WFDC2: variants seen among roughly 807,000 people sequenced by gnomAD.
WFDC2 encodes WAP four-disulfide core domain 2.
In WFDC2, 8 loss-of-function variants were observed where a neutral mutation model predicts 12.5. The observed-to-expected ratio is 0.64, with a 90% CI of 0.37 to 1.15. The LOEUF is 1.15. Among genes scored for constraint, WFDC2 ranks in the 50% most tolerant of loss-of-function variants. The pLI is 0.01. For synonymous variants in WFDC2, 74 were observed against 67.2 expected, an observed-to-expected ratio of 1.10 and a Z score of -0.49; for missense variants, 166 against 159.9, an observed-to-expected ratio of 1.04 and a Z score of -0.21.
intron 2 of WFDC2, among the ~76,000 whole-genome samples, chr20:45,473,483 A>G (rs1341376971): frequency 6.6e-6 from 1 of 152,228 alleles, no homozygotes; most frequent in Non-Finnish European, 1.5e-5. Context: ...GTCAAAGATC[A>G]GGTGGCTGTA....
chr20:45,477,943 T>TG (rs1461370161), intron 2 of WFDC2, among the ~76,000 whole-genome samples: 2 of 152,232 alleles, frequency 1.3e-5, no homozygotes, highest in Non-Finnish European at 2.9e-5. Flanking sequence ...AACTTCCTGG[T>TG]GGCTTTGTTT....
chr20:45,475,152 G>T (rs58291438), intron 2 of WFDC2, among the ~76,000 whole-genome samples: 19,638 of 151,772 alleles, frequency 0.13, 1,679 homozygotes, highest in African/African-American at 0.24. Context: ...GATTTTTTTT[G>T]AAGGGTTTTT....
rs552243960 is a variant in WFDC2, at chr20:45,469,781, C to T, written c.-1C>T. 2.8e-4 allele frequency: 446 copies of T among 1,608,222 alleles called. 10 individuals are homozygous for T. The South Asian group carries it at 4.1e-3, about 15-fold the overall frequency. ...CCTGCACCCCGCCCGGGCATAGCACCATGCCTGCTTGTCGCCTAGGCCCGC... is the reference window on the plus strand; with the variant it reads ...CCTGCACCCCGCCCGGGCATAGCACTATGCCTGCTTGTCGCCTAGGCCCGC... On this transcript the variant is annotated 5_prime_UTR_variant, in exon 1 of 4. Transcript: ENST00000372676.
intron 2 of WFDC2, chr20:45,471,250 T>C (rs1460622731): frequency 1.1e-5 from 5 of 455,040 alleles, no homozygotes; most frequent in South Asian, 3.1e-5. Context: ...CTCTAAGGAT[T>C]GAGTGAGCGC....
intron 2 of WFDC2, among the ~76,000 whole-genome samples, chr20:45,477,669 A>C (rs1361805415): frequency 1.3e-5 from 2 of 152,198 alleles, no homozygotes; most frequent in African/African-American, 4.8e-5. Flanking sequence ...TCACTTGAGG[A>C]GGCAGTCTGA....
At position 45,469,865 on chromosome 20, in the gene WFDC2, G is replaced by A; in HGVS notation, c.79+5G>A. On this transcript the variant is annotated splice_donor_5th_base_variant and intron_variant, in intron 1 of 3. Transcript: ENST00000372676. ...TCGGCTTCACCCTAGTCTCAGGTGA[G>A]TGGGGCGGGGAGAGGCCCGGCGCCT... 1.2e-6 allele frequency: 2 copies of A among 1,603,344 alleles called. No homozygotes were observed. The highest frequency in any genetic ancestry group is 1.7e-4 in the Middle Eastern group (1 of 6,046).
In WFDC2 at chr20:45,474,666, G is replaced by A. The variant is rs6104179; in HGVS notation, c.223+4134G>A. Among the ~76,000 whole-genome samples the A allele has an allele frequency of 4.1e-3, 629 of 152,274 alleles. 6 individuals are homozygous for A. The highest frequency in any genetic ancestry group is 0.014 in the African/African-American group (596 of 41,550). ...GTTATTGTGTCTCTGCCAGGTTTTA[G>A]TATCAGGATGATGCTGGCCTCATAA... On this transcript the variant is annotated intron_variant, in intron 2 of 3. Coordinates refer to ENST00000372676, the MANE Select transcript of WFDC2 (RefSeq NM_006103.4).
rs1394756269 is a variant in WFDC2 at position 45,469,935 on chromosome 20, G to A, written c.79+75G>A. 17 of 1,528,076 alleles carry A rather than the reference G, an allele frequency of 1.1e-5. No homozygotes were observed. The Middle Eastern group carries it at 7.0e-4, about 63-fold the overall frequency. The allele number at this position is 1,528,076 out of a possible 1,614,324, so 94.7% of individuals were successfully genotyped here. A position where few individuals can be genotyped will look rare whatever the true frequency, so the allele number is the denominator to read the frequency against. ...CGCCAGGATGGAGCCAGGCGGAGGC[G>A]TAGCCTCTGGAGGCTGGGGAAGTGG... On this transcript the variant is annotated intron_variant, in intron 1 of 3. Coordinates refer to ENST00000372676, the MANE Select transcript of WFDC2 (RefSeq NM_006103.4).
chr20:45,474,498 G>A (rs1308012533), intron 2 of WFDC2, among the ~76,000 whole-genome samples: 1 of 152,150 alleles, frequency 6.6e-6, no homozygotes, highest in East Asian at 1.9e-4. Context: ...TGTGTATGTT[G>A]AACCAGCCTT....
chr20:45,477,597 G>C (rs1437429700), intron 2 of WFDC2, among the ~76,000 whole-genome samples: 4 of 152,234 alleles, frequency 2.6e-5, no homozygotes, highest in African/African-American at 9.6e-5. Context: ...TCTCCTGTAT[G>C]AGGTGTCTGT....
intron 2 of WFDC2, among the ~76,000 whole-genome samples, chr20:45,474,392 G>A (rs1373265684): frequency 6.6e-6 from 1 of 152,142 alleles, no homozygotes; most frequent in African/African-American, 2.4e-5. Context: ...CATGAAGGGT[G>A]TTGAATTTTA....
chr20:45,479,537 T>C lies in WFDC2; in HGVS notation c.224-405T>C, dbSNP rs147978677. The C allele has an allele frequency of 7.7e-4, 631 of 824,654 alleles. 2 individuals are homozygous for C. The African/African-American group carries it at 8.9e-3, about 12-fold the overall frequency. 51.1% of individuals were successfully genotyped at this position (824,654 alleles called of 1,614,324 possible). A position where few individuals can be genotyped will look rare whatever the true frequency, so the allele number is the denominator to read the frequency against. Reference sequence around the variant, plus strand: ...CATGTAATAAGAGCTAATTAAGTGTTCACTGTTATAATTTCTCATAACTAC... The same window carrying C: ...CATGTAATAAGAGCTAATTAAGTGTCCACTGTTATAATTTCTCATAACTAC... On this transcript the variant is annotated intron_variant, in intron 2 of 3. Transcript: ENST00000372676.
chr20:45,473,365 G>T (rs1991195990), intron 2 of WFDC2, among the ~76,000 whole-genome samples: 1 of 152,184 alleles, frequency 6.6e-6, no homozygotes. Flanking sequence ...TGCATAAGGT[G>T]TAAGGAAAGG....
In WFDC2 at chr20:45,479,552, C is replaced by A; in HGVS notation, c.224-390C>A. The A allele has an allele frequency of 8.2e-6, 8 of 979,452 alleles. No individual in the cohort carries two copies. The South Asian group carries it at 8.2e-5, about 10-fold the overall frequency. The allele number at this position is 979,452 out of a possible 1,614,324, so 60.7% of individuals were successfully genotyped here. A position where few individuals can be genotyped will look rare whatever the true frequency, so the allele number is the denominator to read the frequency against. ...AATTAAGTGTTCACTGTTATAATTT[C>A]TCATAACTACAGAGTAGTTTGATAT... On this transcript the variant is annotated intron_variant, in intron 2 of 3. Transcript: ENST00000372676.
rs1398673746 is a variant in WFDC2, at chr20:45,470,918, C to T, written c.223+386C>T. On this transcript the variant is annotated intron_variant, in intron 2 of 3. Transcript: ENST00000372676. The surrounding 1 kb of genome is among the most constrained non-coding windows in gnomAD (Gnocchi z 5.4). ...GGCGCTCACCTCTCCTCTTGGAGTC[C>T]CTCCCTGGGGGCCTCCCCCAGCCCT... 6.6e-6 allele frequency among the ~76,000 whole-genome samples: 1 copy of T among 152,160 alleles called. No homozygotes were observed. Among genetic ancestry groups the T allele is most frequent in the Non-Finnish European group, 1.5e-5 (1 of 67,992 alleles).
intron 2 of WFDC2, chr20:45,479,414 A>G (rs1419228148): frequency 1.9e-6 from 1 of 516,646 alleles, no homozygotes; most frequent in Non-Finnish European, 3.4e-6. Context: ...CAGTTTCCTC[A>G]CTTGTAACAC....
intron 2 of WFDC2, among the ~76,000 whole-genome samples, chr20:45,472,251 A>G (rs1991181637): frequency 6.6e-6 from 1 of 152,116 alleles, no homozygotes; most frequent in Admixed American, 6.5e-5. Flanking sequence ...TGTTTCTCCT[A>G]ATGCTATGCC....
chr20:45,479,699 C>T, intron 2 of WFDC2: 1 of 1,614,010 alleles, frequency 6.2e-7, no homozygotes, highest in African/African-American at 1.3e-5. Flanking sequence ...GGCCCTAGGC[C>T]ACGAAGGCCC....
intron 2 of WFDC2, chr20:45,479,517 A>T (rs1991273339): frequency 4.3e-6 from 3 of 690,984 alleles, no homozygotes; most frequent in African/African-American, 3.6e-5. Flanking sequence ...CCTGGCATGT[A>T]ATAAGAGCTA....
Sources: allele counts gnomAD v4.1 joint callset (sites outside exome capture counted in the v4.1 genomes callset), GRCh38; gene constraint gnomAD v4.1.1; non-coding constraint Gnocchi (gnomAD v3.1); transcripts MANE v1.5; gene names NCBI Gene and HGNC (gene_info 2026-07-23, HGNC 2026-07-21).